TMEM156: variants seen among roughly 807,000 people sequenced by gnomAD.
TMEM156 encodes the protein transmembrane protein 156.
A neutral mutation model predicts 30.5 loss-of-function variants in TMEM156; 28 were observed. The observed-to-expected ratio is 0.92, with a 90% CI of 0.68 to 1.26. The LOEUF (loss-of-function observed/expected upper bound fraction) is 1.26, where lower values mean the gene tolerates loss of function less well. TMEM156 is among the 50% of genes most tolerant of loss of function. TMEM156 has a pLI of 0.00. For synonymous variants in TMEM156, 137 were observed against 119.9 expected, an observed-to-expected ratio of 1.14 and a Z score of -0.93; for missense variants, 351 against 340.6, an observed-to-expected ratio of 1.03 and a Z score of -0.24.
intron 1 of TMEM156, among the ~76,000 whole-genome samples, chr4:39,015,816 A>C (rs1053633703): frequency 3.9e-5 from 6 of 152,006 alleles, no homozygotes; most frequent in African/African-American, 1.4e-4. Flanking sequence ...TACTGTTCTC[A>C]TGAACAGTCT....
chr4:39,021,915 A>T lies in TMEM156; in HGVS notation c.88+10311T>A, dbSNP rs138704540. ...CTAAATATTTTCTATTTTATATCTC[A>T]TAATTCCAATATCGGAATTCTTTGA... On this transcript the variant is annotated intron_variant, in intron 1 of 6. Transcript: ENST00000381938. Among the ~76,000 whole-genome samples, 239 of 152,308 alleles carry T rather than the reference A, an allele frequency of 1.6e-3. 1 individual carries two copies. Among genetic ancestry groups the T allele is most frequent in the African/African-American group, 5.5e-3 (227 of 41,558 alleles).
intron 1 of TMEM156, among the ~76,000 whole-genome samples, chr4:39,011,146 T>C (rs1188370519): frequency 2.6e-5 from 4 of 152,138 alleles, no homozygotes; most frequent in Non-Finnish European, 5.9e-5. Context: ...CCAACAAATA[T>C]ATTAAAAAAT....
At chr4:38,986,484 C>T in intron 4 of TMEM156, 65 bp from the exon 5 acceptor site, 4 of 1,216,256 alleles carry the variant, frequency 3.3e-6, no homozygotes, top group Non-Finnish European at 4.8e-6. Context: ...ATATATTCCC[C>T]ATGTTGGTTC....
chr4:38,997,134 A>T (rs1046393660), intron 2 of TMEM156, among the ~76,000 whole-genome samples: 7 of 152,242 alleles, frequency 4.6e-5, no homozygotes, highest in African/African-American at 1.7e-4. Flanking sequence ...GGCAGAGAAG[A>T]TCTGTGAGCT....
At chr4:38,980,895 A>G in intron 5 of TMEM156, 1 of 981,254 alleles carries the variant, frequency 1.0e-6, no homozygotes, top group Non-Finnish European at 1.2e-6. Flanking sequence ...CAATTCTTCC[A>G]GGCCTGACAT....
Position 38,998,657 on chromosome 4 carries a change from T to G in TMEM156, c.341A>C (p.Gln114Pro), listed in dbSNP as rs1713102199. Residue 114 changes from glutamine to proline, a missense_variant, in exon 2 of 7, where the codon CAG (glutamine) becomes CCG (proline). By Grantham distance (76) the Gln-to-Pro change is moderately conservative (BLOSUM62 -1). Coordinates refer to ENST00000381938, the MANE Select transcript of TMEM156 (RefSeq NM_024943.3). ...ESKGNMDFIS[Q>P]EQTSKVLIRR... Reference sequence around the variant, plus strand: ...GTGTTTACCTTTTGATGTTTGTTCCTGAGAAATAAAATCCATGTTTCCTTT... The same window carrying G: ...GTGTTTACCTTTTGATGTTTGTTCCGGAGAAATAAAATCCATGTTTCCTTT... 6.2e-7 allele frequency: 1 copy of G among 1,611,330 alleles called. No homozygotes were observed. Among genetic ancestry groups the G allele is most frequent in the Non-Finnish European group, 8.5e-7 (1 of 1,178,394 alleles).
chr4:38,991,250 G>A (rs894360069), intron 3 of TMEM156, among the ~76,000 whole-genome samples: 1 of 134,224 alleles, frequency 7.5e-6, no homozygotes, highest in Non-Finnish European at 1.6e-5. Flanking sequence ...TTGAGACAGT[G>A]TTTCACTCTG....
chr4:39,000,336 G>A (rs981383347), intron 1 of TMEM156, among the ~76,000 whole-genome samples: 8 of 152,132 alleles, frequency 5.3e-5, no homozygotes, highest in African/African-American at 9.7e-5. Context: ...AAGCTGCAGT[G>A]AACCATGATC....
chr4:38,984,172 G>T (rs567103432), intron 5 of TMEM156, among the ~76,000 whole-genome samples: 1 of 152,276 alleles, frequency 6.6e-6, no homozygotes, highest in South Asian at 2.1e-4. Flanking sequence ...ACAGCAGCAG[G>T]ATGCATTTAT....
At chr4:39,027,823 C>T (rs1342630252) in intron 1 of TMEM156, among the ~76,000 whole-genome samples, 1 of 141,320 alleles carries the variant, frequency 7.1e-6, no homozygotes, top group Non-Finnish European at 1.5e-5. Context: ...GTGGTGTAAT[C>T]TCGGCTCACT....
At chr4:38,990,931 T>G (rs1228911829) in intron 3 of TMEM156, among the ~76,000 whole-genome samples, 2 of 143,488 alleles carry the variant, frequency 1.4e-5, no homozygotes, top group African/African-American at 5.2e-5. Context: ...CCTCCCGGGT[T>G]CAAGCGAGTC....
intron 1 of TMEM156, among the ~76,000 whole-genome samples, chr4:39,020,416 T>A (rs921453086): frequency 3.3e-5 from 5 of 152,134 alleles, no homozygotes; most frequent in Admixed American, 6.6e-5. Flanking sequence ...TACTTTTTTT[T>A]AAAGAGACAG....
Position 38,993,818 on chromosome 4 carries a change from G to A in TMEM156, c.539C>T (p.Ser180Leu), listed in dbSNP as rs746613174. The A allele has an allele frequency of 5.6e-6, 9 of 1,613,846 alleles. No homozygotes were observed. Among genetic ancestry groups the A allele is most frequent in the Non-Finnish European group, 7.6e-6 (9 of 1,179,878 alleles). ...CATGATTCTACAAGTGTAGTTTATC[G>A]ATTTCTCCTTGCTTGGCTCATCCTC... ...IMEDEPSKEK[S>L]INYTCRIMEY... The change falls in exon 3 of 7, where the codon TCG becomes TTG. Residue 180 changes from serine to leucine, a missense_variant. Transcript: ENST00000381938.
intron 5 of TMEM156, among the ~76,000 whole-genome samples, chr4:38,985,510 T>C (rs1414282657): frequency 6.6e-6 from 1 of 152,184 alleles, no homozygotes; most frequent in African/African-American, 2.4e-5. Flanking sequence ...TCGCTACTGA[T>C]GCAGCTGTAG....
intron 5 of TMEM156, among the ~76,000 whole-genome samples, chr4:38,974,799 T>C (rs958272555): frequency 6.6e-6 from 1 of 151,860 alleles, no homozygotes; most frequent in Admixed American, 6.6e-5. Flanking sequence ...GCCTCCCAAG[T>C]AGCTGGGATT....
At chr4:38,987,050 T>G (rs1428986002) in intron 4 of TMEM156, among the ~76,000 whole-genome samples, 1 of 152,090 alleles carries the variant, frequency 6.6e-6, no homozygotes, top group East Asian at 1.9e-4. Flanking sequence ...GGCAGATATT[T>G]GTAAGAATTT....
At position 38,993,883 on chromosome 4, in the gene TMEM156, G is replaced by C. The variant is rs774738999; in HGVS notation, c.474C>G (p.Thr158=). ...TTCCAGTGTGGTTTTTTAGATGACA[G>C]GTAGTGTTATATTCCTCCAAGTGGT... ...LVDHLEEYNT[T]CHLKNHTGRS... The change falls in exon 3 of 7, where the codon ACC becomes ACG. Residue 158 remains threonine, a synonymous_variant. Coordinates refer to ENST00000381938, the MANE Select transcript of TMEM156 (RefSeq NM_024943.3). 1.2e-6 allele frequency: 2 copies of C among 1,614,106 alleles called. No individual in the cohort carries two copies. The highest frequency in any genetic ancestry group is 1.1e-5 in the South Asian group (1 of 91,086).
At chr4:39,006,408 T>G (rs1430719033) in intron 1 of TMEM156, among the ~76,000 whole-genome samples, 3 of 152,200 alleles carry the variant, frequency 2.0e-5, no homozygotes, top group African/African-American at 7.2e-5. Flanking sequence ...TTCTCTACAT[T>G]TTTTATCAGG....
chr4:38,975,587 T>A (rs1016429603), intron 5 of TMEM156, among the ~76,000 whole-genome samples: 1 of 152,012 alleles, frequency 6.6e-6, no homozygotes. Context: ...TTCATCATGT[T>A]GGCTAGGCTG....
Sources: gnomAD v4.1 joint callset for allele counts (sites outside exome capture counted in the v4.1 genomes callset) on GRCh38, gnomAD v4.1.1 for gene constraint, MANE v1.5 for transcripts, NCBI Gene and HGNC (gene_info 2026-07-23, HGNC 2026-07-21) for gene names.